The following ABLIM2 variants were observed in gnomAD, a reference collection of about 807,000 sequenced individuals.
ABLIM2 encodes the protein actin-binding LIM protein 2.
ABLIM2 carries 53 observed loss-of-function variants against 97.7 expected under a neutral mutation model. That is an observed-to-expected ratio of 0.54 (90% CI 0.44 to 0.68). The LOEUF is 0.68. Ranked by LOEUF, ABLIM2 falls within the 30% of genes least tolerant of loss-of-function variation. The probability of loss-of-function intolerance (pLI) is 0.00; values close to 1 mark genes in which losing one functional copy is unlikely to be tolerated. For synonymous variants in ABLIM2, 361 were observed against 345.8 expected (o/e 1.04, Z -0.49); for missense variants, 835 against 867.2 (o/e 0.96, Z 0.47).
At position 8,003,241 on chromosome 4, in the gene ABLIM2, C is replaced by T. The variant is rs578153751; in HGVS notation, c.1618+4818G>A. ...AACCTAGCAAACACCATGGCTTAGC[C>T]CAGCCTGCCTTAAACATGCTCAGAA... On this transcript the variant is annotated intron_variant, in intron 16 of 20. Coordinates refer to ENST00000447017, the MANE Select transcript of ABLIM2 (RefSeq NM_001130083.2). This position sits in a 1 kb window ranked among gnomAD's most constrained non-coding sequence, Gnocchi z 4.2. Among the ~76,000 whole-genome samples, 1 of 152,348 alleles carries T rather than the reference C, an allele frequency of 6.6e-6. No individual in the cohort carries two copies. Among genetic ancestry groups the T allele is most frequent in the South Asian group, 2.1e-4 (1 of 4,830 alleles).
At position 8,106,647 on chromosome 4, in the gene ABLIM2, AAG is replaced by A. The variant is rs1837555701; in HGVS notation, c.11-12_11-11del. On this transcript the variant is annotated splice_polypyrimidine_tract_variant and intron_variant, in intron 1 of 20. Transcript: ENST00000447017. ...GCCTGGGGCTGCGACACTGTTGGGA[AAG>A]AGAGAAGAGCAGCGTTCAAGGGTGG... The A allele has an allele frequency of 3.7e-6, 6 of 1,600,146 alleles. No homozygotes were observed. Among genetic ancestry groups the A allele is most frequent in the East Asian group, 2.2e-5 (1 of 44,756 alleles).
chr4:8,007,757 T>G (rs892139103), intron 16 of ABLIM2: 1 of 1,146,312 alleles, frequency 8.7e-7, no homozygotes. Context: ...CCGGACGCCT[T>G]TCTCCTAAAC....
rs118051580 is a variant in ABLIM2 at position 8,010,274 on chromosome 4, G to A, written c.1424-1172C>T. Among the ~76,000 whole-genome samples, 90 of 152,254 alleles carry A rather than the reference G, an allele frequency of 5.9e-4. No individual in the cohort carries two copies. The East Asian group carries it at 9.3e-3, about 16-fold the overall frequency. Reference sequence around the variant, plus strand: ...ACACAAGGCCATGCTGACATTTCTCGGCATCCAACTTAGTAGGTAAACACC... The same window carrying A: ...ACACAAGGCCATGCTGACATTTCTCAGCATCCAACTTAGTAGGTAAACACC... On this transcript the variant is annotated intron_variant, in intron 14 of 20. Transcript: ENST00000447017.
chr4:8,077,102 G>A (rs1233701967), intron 6 of ABLIM2, among the ~76,000 whole-genome samples: 1 of 151,966 alleles, frequency 6.6e-6, no homozygotes, highest in Non-Finnish European at 1.5e-5. Flanking sequence ...GTTGCCCCAT[G>A]GGATTTATCT....
rs528456423 is a variant in ABLIM2 at position 8,071,638 on chromosome 4, G to A, written c.675+5990C>T. ...CCAAGCGCCTTAGGGGGCAAAACGG[G>A]GGTGGGGGAACAGGTGGCTCCGAGG... On this transcript the variant is annotated intron_variant, in intron 6 of 20. Coordinates refer to ENST00000447017, the MANE Select transcript of ABLIM2 (RefSeq NM_001130083.2). The surrounding 1 kb of genome is among the most constrained non-coding windows in gnomAD (Gnocchi z 6.2). 6.5e-6 allele frequency: 6 copies of A among 917,036 alleles called. No individual in the cohort carries two copies. The South Asian group carries it at 2.0e-4, about 31-fold the overall frequency. The allele number at this position is 917,036 out of a possible 1,614,324, so 56.8% of individuals were successfully genotyped here.
Position 7,994,645 on chromosome 4 carries a change from C to G in ABLIM2, c.1619-1718G>C, listed in dbSNP as rs1420862219. On this transcript the variant is annotated intron_variant, in intron 16 of 20. Transcript: ENST00000447017. Reference sequence around the variant, plus strand: ...GGGATGGCTGGGTCAAATGGTATTTCTAGTTCTAGATCCCTGAGGAATCGC... The same window carrying G: ...GGGATGGCTGGGTCAAATGGTATTTGTAGTTCTAGATCCCTGAGGAATCGC... Among the ~76,000 whole-genome samples the G allele has an allele frequency of 1.3e-4, 12 of 92,214 alleles. No individual in the cohort carries two copies. The East Asian group carries it at 3.3e-3, about 25-fold the overall frequency. 60.5% of individuals were successfully genotyped at this position (92,214 alleles called of 152,430 possible).
rs762951897 is a variant in ABLIM2, at chr4:8,015,365, T to A, written c.1423+4253A>T. ...GGAACCCTCTAGGGAGAGGCTGAGT[T>A]CCTACTCCCCGGCTCCCCTGGGGAG... On this transcript the variant is annotated intron_variant, in intron 14 of 20. Coordinates refer to ENST00000447017, the MANE Select transcript of ABLIM2 (RefSeq NM_001130083.2). This position sits in a 1 kb window ranked among gnomAD's most constrained non-coding sequence, Gnocchi z 4.6. 6.6e-6 allele frequency among the ~76,000 whole-genome samples: 1 copy of A among 151,958 alleles called. No individual in the cohort carries two copies. Among genetic ancestry groups the A allele is most frequent in the Non-Finnish European group, 1.5e-5 (1 of 67,974 alleles).
chr4:8,144,585 G>A, intron 1 of ABLIM2, among the ~76,000 whole-genome samples: 1 of 152,334 alleles, frequency 6.6e-6, no homozygotes. Flanking sequence ...TGAGCACAGG[G>A]TCTGGAAGGA....
intron 20 of ABLIM2, among the ~76,000 whole-genome samples, chr4:7,973,483 AGAGT>A (rs1347490894): frequency 1.3e-5 from 2 of 151,432 alleles, no homozygotes; most frequent in Non-Finnish European, 2.9e-5. Flanking sequence ...TCTGGGTGAC[AGAGT>A]GAGACTACGT....
chr4:8,142,322 C>T (rs1851115707), intron 1 of ABLIM2, among the ~76,000 whole-genome samples: 1 of 152,202 alleles, frequency 6.6e-6, no homozygotes, highest in Non-Finnish European at 1.5e-5. Context: ...AGGGCATGGA[C>T]TCTGCCTCAC....
chr4:8,055,596 A>G (rs1438040535), intron 7 of ABLIM2, among the ~76,000 whole-genome samples: 1 of 152,248 alleles, frequency 6.6e-6, no homozygotes, highest in Non-Finnish European at 1.5e-5. Context: ...CAAAAAAGCC[A>G]CACAGGCTAG....
chr4:8,030,140 A>G (rs1313361994), intron 10 of ABLIM2, among the ~76,000 whole-genome samples: 2 of 152,098 alleles, frequency 1.3e-5, no homozygotes, highest in East Asian at 3.9e-4. Context: ...TGTGAGAACC[A>G]CGGAGACTCC....
intron 14 of ABLIM2, among the ~76,000 whole-genome samples, chr4:8,018,977 C>A (rs375700595): frequency 1.3e-5 from 2 of 152,114 alleles, no homozygotes; most frequent in Admixed American, 1.3e-4. Context: ...TGTCAATCAC[C>A]CAGAAATCCC....
At chr4:8,115,204 C>T (rs941019389) in intron 1 of ABLIM2, among the ~76,000 whole-genome samples, 1 of 152,208 alleles carries the variant, frequency 6.6e-6, no homozygotes, top group Non-Finnish European at 1.5e-5. Context: ...GCATCACTGT[C>T]ACCCCAAACT....
chr4:7,989,037 G>T (rs1746587748), intron 17 of ABLIM2, among the ~76,000 whole-genome samples: 1 of 134,052 alleles, frequency 7.5e-6, no homozygotes, highest in African/African-American at 2.8e-5. Flanking sequence ...ATTTTTCTGT[G>T]TACATTTAAT....
intron 1 of ABLIM2, among the ~76,000 whole-genome samples, chr4:8,134,472 C>T (rs1050333594): frequency 2.6e-5 from 4 of 152,216 alleles, no homozygotes; most frequent in African/African-American, 9.6e-5. Context: ...CAGCCCCCGT[C>T]GGCAAGAAGA....
chr4:8,042,779 C>T (rs1486143670), intron 9 of ABLIM2, among the ~76,000 whole-genome samples: 4 of 142,678 alleles, frequency 2.8e-5, no homozygotes, highest in African/African-American at 1.1e-4. Context: ...GTGGAGGTTG[C>T]AGTGAGCTGA....
intron 16 of ABLIM2, among the ~76,000 whole-genome samples, chr4:7,995,979 C>T (rs1472055079): frequency 6.6e-6 from 1 of 152,104 alleles, no homozygotes; most frequent in African/African-American, 2.4e-5. Context: ...CCCCAGGATG[C>T]CAGACAAGGC....
Position 8,043,730 on chromosome 4 carries a change from C to T in ABLIM2, c.900+1434G>A, listed in dbSNP as rs961095769. On this transcript the variant is annotated intron_variant, in intron 9 of 20. Coordinates refer to ENST00000447017, the MANE Select transcript of ABLIM2 (RefSeq NM_001130083.2). The surrounding 1 kb of genome is among the most constrained non-coding windows in gnomAD (Gnocchi z 4.8). Reference sequence around the variant, plus strand: ...ACAATTTATTTCTGTTGTTCAAGCCCCCAGGAGGCTGACACAGATGATGGT... The same window carrying T: ...ACAATTTATTTCTGTTGTTCAAGCCTCCAGGAGGCTGACACAGATGATGGT... 1.3e-5 allele frequency among the ~76,000 whole-genome samples: 2 copies of T among 152,166 alleles called. No homozygotes were observed. Among genetic ancestry groups the T allele is most frequent in the African/African-American group, 4.8e-5 (2 of 41,432 alleles).
Sources: gnomAD v4.1 joint callset for allele counts (sites outside exome capture counted in the v4.1 genomes callset) on GRCh38, gnomAD v4.1.1 for gene constraint, Gnocchi (gnomAD v3.1) non-coding constraint, MANE v1.5 for transcripts, NCBI Gene and HGNC (gene_info 2026-07-23, HGNC 2026-07-21) for gene names.